Variants in POLR3E observed in about 807,000 individuals in gnomAD.
POLR3E encodes the protein DNA-directed RNA polymerase III subunit RPC5.
Under a neutral mutation model 96.6 loss-of-function variants are expected in POLR3E, and 41 were observed. That is an observed-to-expected ratio of 0.42 (90% confidence interval 0.33 to 0.55). The LOEUF (loss-of-function observed/expected upper bound fraction) is 0.55. POLR3E is among the 20% of genes least tolerant of loss of function. The pLI is 0.06. For synonymous variants in POLR3E, 396 were observed against 383.6 expected, an observed-to-expected ratio of 1.03 and a Z score of -0.38; for missense variants, 849 against 952.1, an observed-to-expected ratio of 0.89 and a Z score of 1.43.
rs545491852 is a variant in POLR3E at position 22,326,103 on chromosome 16, C to T, written c.1691C>T (p.Ala564Val). The stretch of plus-strand genomic sequence containing the variant: ...ACCCCTGTGGCTCGGGAACTGAAGG[C>T]CTTCGTGGAGGCCACCTTTCAGAGA... ...ASTPVARELK[A>V]FVEATFQRQF... Residue 564 changes from alanine to valine, a missense_variant, in exon 18 of 21, where the codon GCC becomes GTC. Ala to Val is a moderately conservative substitution (Grantham distance 64, BLOSUM62 0). Transcript: ENST00000299853. 6.2e-6 allele frequency: 10 copies of T among 1,613,690 alleles called. 1 individual carries two copies. In the South Asian group the frequency reaches 7.7e-5, roughly 12 times the overall value.
intron 18 of POLR3E, 34 bp downstream of exon 18, chr16:22,326,312 G>C: frequency 2.1e-6 from 1 of 473,284 alleles, no homozygotes; most frequent in Non-Finnish European, 4.1e-6. Context: ...GGGCATGGGG[G>C]GTGGGGGGTG....
intron 1 of POLR3E, among the ~76,000 whole-genome samples, chr16:22,299,908 C>T (rs2141719201): frequency 6.6e-6 from 1 of 151,974 alleles, no homozygotes; most frequent in South Asian, 2.1e-4. Context: ...GCGGGGGGCG[C>T]CTCACTATGT....
chr16:22,314,009 G>A, intron 7 of POLR3E, 70 bp from the exon 8 acceptor site: 4 of 1,370,518 alleles, frequency 2.9e-6, no homozygotes, highest in Non-Finnish European at 4.2e-6. Flanking sequence ...GGCTTCCCTG[G>A]CGGGTGGGGT....
At position 22,322,890 on chromosome 16, in the gene POLR3E, GGC is replaced by G; in HGVS notation, c.1029_1030del (p.Val344AlafsTer3). On this transcript the variant is annotated frameshift_variant, in exon 14 of 21. Transcript: ENST00000299853. LOFTEE classifies it high-confidence loss of function. The surrounding 1 kb of genome is among the most constrained non-coding windows in gnomAD (Gnocchi z 5.2). Reference sequence around the variant, plus strand: ...CAAGGACTCGTCCAGCCCTCACAGCGGCGTGCCTGCTGAGGTGCTCTGCAGGG... The same window carrying G: ...CAAGGACTCGTCCAGCCCTCACAGCGGTGCCTGCTGAGGTGCTCTGCAGGG... ...YPKDSSSPHSGVPAEVLCRGR... is the reference protein window; with the variant it reads ...YPKDSSSPHSXVPAEVLCRGR... 1 of 1,613,432 alleles carries G rather than the reference GGC, an allele frequency of 6.2e-7. No homozygotes were observed. Among genetic ancestry groups the G allele is most frequent in the Non-Finnish European group, 8.5e-7 (1 of 1,179,700 alleles).
rs748016595 is a variant in POLR3E, at chr16:22,314,140, C to G, written c.522+12C>G. ...TTAAGCAGATCACGGTGAGCCCTGG[C>G]CCCTGGAGGAGGAGGGTGCTGCCTG... is the stretch of plus-strand genomic sequence containing the variant. On this transcript the variant is annotated intron_variant, in intron 8 of 20. Coordinates refer to ENST00000299853, the MANE Select transcript of POLR3E (RefSeq NM_018119.4). 5 of 1,611,856 alleles carry G rather than the reference C, an allele frequency of 3.1e-6. No individual in the cohort carries two copies. The highest frequency in any genetic ancestry group is 4.2e-6 in the Non-Finnish European group (5 of 1,178,166).
chr16:22,330,880 CT>C (rs1342814298), intron 19 of POLR3E, among the ~76,000 whole-genome samples: 1 of 150,092 alleles, frequency 6.7e-6, no homozygotes, highest in African/African-American at 2.4e-5. Context: ...ACAAAACCAG[CT>C]AAGTATGGAA....
At position 22,334,552 on chromosome 16, in the gene POLR3E, C is replaced by G. The variant is rs906602408; in HGVS notation, c.*852C>G. The G allele has an allele frequency of 3.3e-5, 5 of 152,138 alleles. No individual in the cohort carries two copies. The highest frequency in any genetic ancestry group is 1.2e-4 in the African/African-American group (5 of 41,416). The allele number at this position is 152,138 out of a possible 1,614,324, so 9.4% of individuals were successfully genotyped here. On this transcript the variant is annotated 3_prime_UTR_variant, in exon 21 of 21. Coordinates refer to ENST00000299853, the MANE Select transcript of POLR3E (RefSeq NM_018119.4). ...TGGAGGAAGACAGAGCAGCACTGTC[C>G]ACTAGAAAGAGGCGAGTCACGTACA...
At chr16:22,299,784 C>T (rs2141718869) in intron 1 of POLR3E, among the ~76,000 whole-genome samples, 2 of 152,234 alleles carry the variant, frequency 1.3e-5, no homozygotes, top group African/African-American at 4.8e-5. Context: ...GTGATCATAG[C>T]TCACTGCAGC....
At chr16:22,323,825 A>T (rs1284045218) in intron 14 of POLR3E, among the ~76,000 whole-genome samples, 1 of 152,134 alleles carries the variant, frequency 6.6e-6, no homozygotes, top group Non-Finnish European at 1.5e-5. Context: ...ATGTTAGCGT[A>T]GGTGATAGTC....
At chr16:22,306,642 T>C (rs1256055357) in intron 3 of POLR3E, among the ~76,000 whole-genome samples, 1 of 152,266 alleles carries the variant, frequency 6.6e-6, no homozygotes, top group East Asian at 1.9e-4. Flanking sequence ...GTATTTGGGT[T>C]ATTTCTACTT....
At chr16:22,308,876 G>A (rs2048186079) in intron 4 of POLR3E, 49 bp from the exon 5 acceptor site, 2 of 1,289,764 alleles carry the variant, frequency 1.6e-6, no homozygotes, top group Non-Finnish European at 2.2e-6. Context: ...CCCTTGAGGA[G>A]CCATGCCTTG....
chr16:22,308,173 C>A lies in POLR3E; in HGVS notation c.113C>A (p.Thr38Asn). 6.2e-7 allele frequency: 1 copy of A among 1,613,664 alleles called. No individual in the cohort carries two copies. Among genetic ancestry groups the A allele is most frequent in the South Asian group, 1.1e-5 (1 of 91,088 alleles). ...TACCCTGTGCGTCCAGCCTCGATGACCTACGATGACATTCCGCACCTCTCA... is the reference window on the plus strand; with the variant it reads ...TACCCTGTGCGTCCAGCCTCGATGAACTACGATGACATTCCGCACCTCTCA... ...FQYPVRPASM[T>N]YDDIPHLSAK... is the part of the protein sequence containing the mutation. The change falls in exon 4 of 21, where the codon ACC (threonine) becomes AAC (asparagine). Residue 38 changes from threonine (T) to asparagine (N), a missense_variant. Thr to Asn is a moderately conservative substitution (Grantham distance 65). Coordinates refer to ENST00000299853, the MANE Select transcript of POLR3E (RefSeq NM_018119.4).
chr16:22,322,553 T>C lies in POLR3E; in HGVS notation c.987-297T>C, dbSNP rs78636317. Reference sequence around the variant, plus strand: ...TGAGGTCCCGGGCTGTTCCTCACCTTGTCTGTCTCTGAGCCCGTGACCTCT... The same window carrying C: ...TGAGGTCCCGGGCTGTTCCTCACCTCGTCTGTCTCTGAGCCCGTGACCTCT... On this transcript the variant is annotated intron_variant, in intron 13 of 20. Coordinates refer to ENST00000299853, the MANE Select transcript of POLR3E (RefSeq NM_018119.4). This position sits in a 1 kb window ranked among gnomAD's most constrained non-coding sequence, Gnocchi z 5.2. Among the ~76,000 whole-genome samples the C allele has an allele frequency of 0.022, 3,324 of 152,170 alleles. 121 individuals carry two copies. Among genetic ancestry groups the C allele is most frequent in the African/African-American group, 0.076 (3,157 of 41,506 alleles).
intron 18 of POLR3E, chr16:22,326,542 T>G: frequency 3.7e-6 from 2 of 533,662 alleles, no homozygotes; most frequent in Non-Finnish European, 3.4e-6. Context: ...CAGCAGGGCC[T>G]AGTGAAACAG....
At position 22,308,280 on chromosome 16, in the gene POLR3E, G is replaced by A. The variant is rs1015016673; in HGVS notation, c.165+55G>A. The A allele has an allele frequency of 2.1e-5, 29 of 1,366,430 alleles. 1 individual carries two copies. The highest frequency in any genetic ancestry group is 2.8e-5 in the Non-Finnish European group (27 of 954,588). The allele number at this position is 1,366,430 out of a possible 1,614,324, so 84.6% of individuals were successfully genotyped here. On this transcript the variant is annotated intron_variant, in intron 4 of 20. Transcript: ENST00000299853. The stretch of plus-strand genomic sequence containing the variant: ...CCGAAAGAGAGGGTGATGAGGGTGG[G>A]AGCTGGTGGAGGCGAGAAGCTCAGA...
intron 3 of POLR3E, among the ~76,000 whole-genome samples, chr16:22,305,889 A>G (rs988419882): frequency 6.6e-6 from 1 of 152,170 alleles, no homozygotes; most frequent in Non-Finnish European, 1.5e-5. Flanking sequence ...ATTACATTTT[A>G]TAACCGATAT....
chr16:22,301,252 C>T (rs568392950), intron 1 of POLR3E, among the ~76,000 whole-genome samples: 1 of 152,184 alleles, frequency 6.6e-6, no homozygotes, highest in South Asian at 2.1e-4. Flanking sequence ...GGTCAAGGGG[C>T]AGGAGATTGT....
chr16:22,331,893 C>A, intron 19 of POLR3E, 167 bp from the exon 20 acceptor site: 1 of 625,130 alleles, frequency 1.6e-6, no homozygotes. Context: ...CACTGTCTTG[C>A]TGGGTCTCTA....
chr16:22,329,111 A>T (rs2048678662), intron 19 of POLR3E: 1 of 165,764 alleles, frequency 6.0e-6, no homozygotes, highest in African/African-American at 2.4e-5. Context: ...AAAAACATAG[A>T]TTCAGTTCTG....
Sources: allele counts gnomAD v4.1 joint callset (sites outside exome capture counted in the v4.1 genomes callset), GRCh38; gene constraint gnomAD v4.1.1; non-coding constraint Gnocchi (gnomAD v3.1); transcripts MANE v1.5; gene names NCBI Gene and HGNC (gene_info 2026-07-23, HGNC 2026-07-21).